PCLAF: variants seen among roughly 807,000 people sequenced by gnomAD.
PCLAF encodes PCNA-associated factor.
Under a neutral mutation model 15.1 loss-of-function variants are expected in PCLAF, and 12 were observed. That is an observed-to-expected ratio of 0.79 (90% CI 0.51 to 1.29). The LOEUF (loss-of-function observed/expected upper bound fraction) is 1.29. PCLAF is among the 50% of genes most tolerant of loss of function. The pLI, the probability that PCLAF is intolerant of heterozygous loss-of-function variation, is 0.00. For missense variants in PCLAF, 116 were observed against 130.9 expected (o/e 0.89, Z 0.56); for synonymous variants, 33 against 47.1 (o/e 0.70, Z 1.22).
At chr15:64,366,237 C>T (rs1706863691) in intron 3 of PCLAF, among the ~76,000 whole-genome samples, 162 bp from the exon 4 acceptor site, 2 of 152,258 alleles carry the variant, frequency 1.3e-5, no homozygotes, top group South Asian at 4.1e-4. Flanking sequence ...TAACAAACAC[C>T]TACAAATTTC....
chr15:64,381,462 C>T (rs1899820201), upstream of PCLAF: 15 of 1,611,766 alleles, frequency 9.3e-6, no homozygotes, highest in Non-Finnish European at 1.3e-5. Flanking sequence ...TATCCCGCCA[C>T]AGTTTATATT....
intron 3 of PCLAF, among the ~76,000 whole-genome samples, chr15:64,372,070 T>A (rs148692436): frequency 4.6e-5 from 7 of 150,640 alleles, no homozygotes; most frequent in Non-Finnish European, 8.9e-5. Context: ...GTTTTTAAGT[T>A]GTGAAAATTA....
chr15:64,381,452 T>C, upstream of PCLAF: 5 of 1,601,302 alleles, frequency 3.1e-6, no homozygotes, highest in South Asian at 2.2e-5. Context: ...ACCCGAAAAC[T>C]ATCCCGCCAC....
At chr15:64,380,748 C>T (rs1266773036) in intron 2 of PCLAF, among the ~76,000 whole-genome samples, 1 of 152,056 alleles carries the variant, frequency 6.6e-6, no homozygotes, top group East Asian at 1.9e-4. Flanking sequence ...TAAGGTGTGT[C>T]GGTCCTTAAC....
In PCLAF at chr15:64,364,805, G is replaced by A; in HGVS notation, c.*1225C>T. Reference sequence around the variant, plus strand: ...AGGTTCAAGCGATTCTCCTGCCTCAGCCTCCTGAGTAGCTGGGATTACAGG... The same window carrying A: ...AGGTTCAAGCGATTCTCCTGCCTCAACCTCCTGAGTAGCTGGGATTACAGG... On this transcript the variant is annotated 3_prime_UTR_variant, in exon 4 of 4. Coordinates refer to ENST00000300035, the MANE Select transcript of PCLAF (RefSeq NM_014736.6). 1 of 150,626 alleles carries A rather than the reference G, an allele frequency of 6.6e-6. No individual in the cohort carries two copies. Among genetic ancestry groups the A allele is most frequent in the Non-Finnish European group, 1.5e-5 (1 of 67,798 alleles). 9.3% of individuals were successfully genotyped at this position (150,626 alleles called of 1,614,324 possible). A position where few individuals can be genotyped will look rare whatever the true frequency, so the allele number is the denominator to read the frequency against.
chr15:64,384,877 AACATATG>A (rs1899903174), upstream of PCLAF, among the ~76,000 whole-genome samples: 1 of 152,182 alleles, frequency 6.6e-6, no homozygotes, highest in African/African-American at 2.4e-5. Context: ...CATCATAATT[AACATATG>A]ACTTATGAGA....
At chr15:64,386,157 T>C (rs1899931326), upstream of PCLAF, among the ~76,000 whole-genome samples, 1 of 152,038 alleles carries the variant, frequency 6.6e-6, no homozygotes, top group Non-Finnish European at 1.5e-5. Flanking sequence ...TATTATTAAA[T>C]GTAGTGGAGT....
chr15:64,378,706 T>C (rs1315682860), intron 2 of PCLAF, among the ~76,000 whole-genome samples: 1 of 152,006 alleles, frequency 6.6e-6, no homozygotes, highest in African/African-American at 2.4e-5. Flanking sequence ...AGGTCAGGCA[T>C]TTGAGAACAG....
chr15:64,384,365 C>T (rs1899892566), upstream of PCLAF, among the ~76,000 whole-genome samples: 3 of 151,940 alleles, frequency 2.0e-5, no homozygotes, highest in South Asian at 6.2e-4. Flanking sequence ...AACTCCTGAC[C>T]TCAGGTGATC....
upstream of PCLAF, among the ~76,000 whole-genome samples, chr15:64,385,643 A>G (rs562676959): frequency 3.7e-4 from 57 of 152,110 alleles, no homozygotes; most frequent in South Asian, 1.0e-3. Context: ...AAAAAGAAAA[A>G]AAAAAGAAAA....
rs1162194050 is a variant in PCLAF at position 64,365,219 on chromosome 15, G to A, written c.*811C>T. Reference sequence around the variant, plus strand: ...GGGTTTCACCTTGTTAGGCAGGATGGTCTCGATCTCCTGACCTCATGATCC... The same window carrying A: ...GGGTTTCACCTTGTTAGGCAGGATGATCTCGATCTCCTGACCTCATGATCC... On this transcript the variant is annotated 3_prime_UTR_variant, in exon 4 of 4. Coordinates refer to ENST00000300035, the MANE Select transcript of PCLAF (RefSeq NM_014736.6). The A allele has an allele frequency of 6.7e-6, 1 of 149,946 alleles. No homozygotes were observed. The highest frequency in any genetic ancestry group is 2.5e-5 in the African/African-American group (1 of 40,668). 9.3% of individuals were successfully genotyped at this position (149,946 alleles called of 1,614,324 possible).
At chr15:64,378,259 A>G (rs1899696928) in intron 2 of PCLAF, among the ~76,000 whole-genome samples, 2 of 152,098 alleles carry the variant, frequency 1.3e-5, no homozygotes, top group Admixed American at 6.6e-5. Context: ...TAATATAAGG[A>G]GAAATTGAGG....
At chr15:64,386,313 C>G (rs556421319), upstream of PCLAF, among the ~76,000 whole-genome samples, 3 of 151,662 alleles carry the variant, frequency 2.0e-5, no homozygotes, top group African/African-American at 7.3e-5. Flanking sequence ...TAAATCAATA[C>G]ACTTATGAGG....
chr15:64,368,527 C>T (rs987041049), intron 3 of PCLAF, among the ~76,000 whole-genome samples: 4 of 152,112 alleles, frequency 2.6e-5, no homozygotes, highest in Non-Finnish European at 4.4e-5. Context: ...TGACTCTTCC[C>T]CCACGCAACT....
At chr15:64,377,145 T>G (rs926084257) in intron 2 of PCLAF, among the ~76,000 whole-genome samples, 7 of 151,882 alleles carry the variant, frequency 4.6e-5, no homozygotes, top group African/African-American at 1.7e-4. Flanking sequence ...CTGAAAAATA[T>G]TTTTATATTT....
chr15:64,373,734 C>G, intron 3 of PCLAF: 1 of 1,535,860 alleles, frequency 6.5e-7, no homozygotes, highest in South Asian at 1.2e-5. Context: ...CAGCTTGCTG[C>G]TCAGTGTGCT....
intron 3 of PCLAF, among the ~76,000 whole-genome samples, chr15:64,369,766 A>G (rs968725761): frequency 5.9e-5 from 9 of 152,194 alleles, no homozygotes; most frequent in African/African-American, 1.7e-4. Context: ...CATATGTCAA[A>G]TACTTTGTTT....
At chr15:64,377,533 ATATAT>A (rs1459345573) in intron 2 of PCLAF, among the ~76,000 whole-genome samples, 2 of 97,058 alleles carry the variant, frequency 2.1e-5, no homozygotes, top group African/African-American at 7.6e-5. Flanking sequence ...ATATATATAT[ATATAT>A]TCTTGTATGT....
chr15:64,384,386 G>A (rs1029236803), upstream of PCLAF, among the ~76,000 whole-genome samples: 6 of 151,310 alleles, frequency 4.0e-5, no homozygotes, highest in African/African-American at 7.3e-5. Context: ...TGCCTGCCTC[G>A]GCCTCCCAAA....
Sources: gnomAD v4.1 joint callset for allele counts (sites outside exome capture counted in the v4.1 genomes callset) on GRCh38, gnomAD v4.1.1 for gene constraint, MANE v1.5 for transcripts, NCBI Gene and HGNC (gene_info 2026-07-23, HGNC 2026-07-21) for gene names.